The following MDM1 variants were observed in gnomAD, a reference collection of about 807,000 sequenced individuals.
MDM1 encodes Mdm1 nuclear protein.
A neutral mutation model predicts 89.1 loss-of-function variants in MDM1; 61 were observed. The observed-to-expected ratio is 0.68, with a 90% confidence interval of 0.56 to 0.85. The LOEUF (loss-of-function observed/expected upper bound fraction) is 0.85. Ranked by LOEUF, MDM1 falls within the 40% of genes least tolerant of loss-of-function variation. The pLI, the probability that MDM1 is intolerant of heterozygous loss-of-function variation, is 0.00. For synonymous variants in MDM1, 290 were observed against 294.1 expected (o/e 0.99, Z 0.14); for missense variants, 820 against 846.5 (o/e 0.97, Z 0.39).
chr12:68,305,137 A>C (rs1382652019), intron 12 of MDM1, among the ~76,000 whole-genome samples: 1 of 152,214 alleles, frequency 6.6e-6, no homozygotes, highest in Non-Finnish European at 1.5e-5. Context: ...GAATAGTTTT[A>C]GCACATAAAC....
chr12:68,323,122 TTTC>T lies in MDM1; in HGVS notation c.749_751del (p.Arg250del). ...AAGATTTCTGTTTTCTCTCAAATCA[TTTC>T]TTAATTTTGGTTCTTTCACTGGAGA... On this transcript the variant is annotated inframe_deletion, in exon 5 of 15. Transcript: ENST00000682720. 1 of 1,609,876 alleles carries T rather than the reference TTTC, an allele frequency of 6.2e-7. No homozygotes were observed. The highest frequency in any genetic ancestry group is 8.5e-7 in the Non-Finnish European group (1 of 1,178,882).
Position 68,314,995 on chromosome 12 carries a change from C to G in MDM1, c.1482G>C (p.Glu494Asp). The G allele has an allele frequency of 6.2e-7, 1 of 1,614,168 alleles. No individual in the cohort carries two copies. The highest frequency in any genetic ancestry group is 8.5e-7 in the Non-Finnish European group (1 of 1,180,026). ...TAGATTTCTCACGTACATCCAACTT[C>G]TCTTGCTCTCCCATAAAAGCCTGCT... ...TGKQAFMGEQEKLDVREKSKA... is the reference protein window; with the variant it reads ...TGKQAFMGEQDKLDVREKSKA... Residue 494 changes from glutamate (E) to aspartate (D), a missense_variant, in exon 10 of 15, where the codon GAG becomes GAC. Coordinates refer to ENST00000682720, the MANE Select transcript of MDM1 (RefSeq NM_001354969.2).
chr12:68,302,920 T>C (rs778254700), intron 12 of MDM1, 48 bp from the exon 13 acceptor site: 2 of 1,481,816 alleles, frequency 1.3e-6, no homozygotes, highest in Admixed American at 2.3e-5. Context: ...TGTGTAGATA[T>C]GTAAATAAAT....
At chr12:68,322,029 A>G (rs1345883376) in intron 5 of MDM1, among the ~76,000 whole-genome samples, 1 of 152,212 alleles carries the variant, frequency 6.6e-6, no homozygotes, top group African/African-American at 2.4e-5. Flanking sequence ...ACTGAATAAC[A>G]ATTCTTTTTT....
At chr12:68,313,830 G>A in intron 10 of MDM1, 77 bp from the exon 11 acceptor site, 1 of 1,271,404 alleles carries the variant, frequency 7.9e-7, no homozygotes, top group Non-Finnish European at 1.1e-6. Flanking sequence ...TGCCATCATT[G>A]TGCAATAATA....
rs1264599393 is a variant in MDM1 at position 68,326,745 on chromosome 12, T to C, written c.410A>G (p.Asn137Ser). Reference sequence around the variant, plus strand: ...TGGTGTATGGTTTGTTACACCCTCATTATTTTCCACATCTGAAGCCCCTTC... The same window carrying C: ...TGGTGTATGGTTTGTTACACCCTCACTATTTTCCACATCTGAAGCCCCTTC... ...RAEGASDVEN[N>S]EGVTNHTPVN... is the part of the protein sequence containing the mutation. Residue 137 changes from asparagine to serine, a missense_variant, in exon 3 of 15, where the codon AAT (asparagine) becomes AGT (serine). Physicochemically the swap from Asn to Ser is conservative, Grantham distance 46 (BLOSUM62 1). Transcript: ENST00000682720. 1.2e-6 allele frequency: 2 copies of C among 1,614,152 alleles called. No homozygotes were observed. The highest frequency in any genetic ancestry group is 1.6e-4 in the Middle Eastern group (1 of 6,062).
chr12:68,302,772 T>G lies in MDM1; in HGVS notation c.1850A>C (p.Lys617Thr), dbSNP rs1367257910. 1.9e-6 allele frequency: 3 copies of G among 1,613,846 alleles called. No individual in the cohort carries two copies. Among genetic ancestry groups the G allele is most frequent in the Non-Finnish European group, 2.5e-6 (3 of 1,179,974 alleles). The stretch of plus-strand genomic sequence containing the variant: ...AACTGGAAGAGTTGCCTCAGCAAAT[T>G]TGTGGATATTGTCTTCAGAATCTTC... ...LREDSEDNIH[K>T]FAEATLPVSK... The change falls in exon 13 of 15, where the codon AAA (lysine) becomes ACA (threonine). Residue 617 changes from lysine to threonine, a missense_variant. Coordinates refer to ENST00000682720, the MANE Select transcript of MDM1 (RefSeq NM_001354969.2).
At chr12:68,298,936 GAC>G (rs1871777885) in intron 13 of MDM1, among the ~76,000 whole-genome samples, 1 of 151,016 alleles carries the variant, frequency 6.6e-6, no homozygotes, top group Non-Finnish European at 1.5e-5. Flanking sequence ...CCCCACAGGA[GAC>G]AGCGAACTTG....
intron 2 of MDM1, 196 bp from the exon 3 acceptor site, chr12:68,327,217 TTAA>T: frequency 7.1e-7 from 1 of 1,402,592 alleles, no homozygotes; most frequent in South Asian, 1.8e-5. Flanking sequence ...AATTTTGCTT[TTAA>T]AAGCATTAAA....
intron 12 of MDM1, among the ~76,000 whole-genome samples, chr12:68,304,450 G>A (rs948234807): frequency 6.6e-6 from 1 of 152,058 alleles, no homozygotes; most frequent in African/African-American, 2.4e-5. Flanking sequence ...CTTCAAACTG[G>A]CCTAGGGCTG....
At chr12:68,302,504 A>T in intron 13 of MDM1, 116 bp downstream of exon 13, 2 of 995,352 alleles carry the variant, frequency 2.0e-6, no homozygotes, top group East Asian at 2.7e-5. Flanking sequence ...TTATTAATAC[A>T]TTAACCAAAA....
At chr12:68,328,001 C>A (rs1468762748) in intron 2 of MDM1, among the ~76,000 whole-genome samples, 3 of 152,184 alleles carry the variant, frequency 2.0e-5, no homozygotes, top group South Asian at 2.1e-4. Context: ...CTGCATCTGC[C>A]ATCTGCAGTT....
intron 14 of MDM1, among the ~76,000 whole-genome samples, chr12:68,296,188 C>T (rs953007151): frequency 3.5e-4 from 54 of 152,124 alleles, no homozygotes; most frequent in African/African-American, 1.1e-3. Flanking sequence ...CTATTATAAG[C>T]AAATAAATGT....
At chr12:68,307,594 T>C (rs545099639) in intron 12 of MDM1, among the ~76,000 whole-genome samples, 7 of 152,134 alleles carry the variant, frequency 4.6e-5, no homozygotes, top group Admixed American at 1.3e-4. Flanking sequence ...TGAGCCGTGA[T>C]TGCACCAATG....
chr12:68,315,214 T>TAA lies in MDM1; in HGVS notation c.1262_1263insTT (p.Glu421AspfsTer2). Reference sequence around the variant, plus strand: ...GTTCTTCCACGATATTTCCTTTTTCTTCTGGTTCTGTAGAAGGACATTTCT... The same window carrying TAA: ...GTTCTTCCACGATATTTCCTTTTTCTAATCTGGTTCTGTAGAAGGACATTTCT... On this transcript the variant is annotated frameshift_variant, in exon 10 of 15. Coordinates refer to ENST00000682720, the MANE Select transcript of MDM1 (RefSeq NM_001354969.2). LOFTEE classifies it high-confidence loss of function. The TAA allele has an allele frequency of 6.2e-7, 1 of 1,614,232 alleles. No individual in the cohort carries two copies. Among genetic ancestry groups the TAA allele is most frequent in the Non-Finnish European group, 8.5e-7 (1 of 1,180,044 alleles).
rs1040706614 is a variant in MDM1 at position 68,326,853 on chromosome 12, T to A, written c.302A>T (p.Asp101Val). 5.0e-6 allele frequency: 8 copies of A among 1,613,852 alleles called. No individual in the cohort carries two copies. Among genetic ancestry groups the A allele is most frequent in the African/African-American group, 1.3e-5 (1 of 74,924 alleles). Residue 101 changes from aspartate to valine, a missense_variant, in exon 3 of 15, where the codon GAT becomes GTT. Transcript: ENST00000682720. The part of the protein sequence containing the change: ...TPKSQEAEQK[D>V]VTQERVHSLE... ...TGAGTGAACTCTTTCTTGAGTAACA[T>A]CCTTTTGTTCTGCTTCTTGTGATTT...
chr12:68,313,390 G>T, intron 12 of MDM1, 53 bp downstream of exon 12: 2 of 1,224,196 alleles, frequency 1.6e-6, no homozygotes, highest in Non-Finnish European at 2.4e-6. Flanking sequence ...TATTACATGT[G>T]TCTACAATAA....
intron 7 of MDM1, among the ~76,000 whole-genome samples, chr12:68,320,587 G>A (rs556111492): frequency 2.0e-5 from 3 of 152,164 alleles, no homozygotes; most frequent in East Asian, 1.9e-4. Context: ...TTTAAGTAAT[G>A]AGCTAAATAA....
chr12:68,313,649 G>C lies in MDM1; in HGVS notation c.1634C>G (p.Ala545Gly). Reference protein sequence around the residue: ...QRTHHDLTTPAVGGAVLVSPS... With the variant: ...QRTHHDLTTPGVGGAVLVSPS... ...GCACGGTGTTTGCCGATTACCAACAGCTGGAGTAGTGAGATCATGATGAGT... is the reference window on the plus strand; with the variant it reads ...GCACGGTGTTTGCCGATTACCAACACCTGGAGTAGTGAGATCATGATGAGT... The change falls in exon 11 of 15, where the codon GCT (alanine) becomes GGT (glycine). Residue 545 changes from alanine to glycine, a missense_variant. By Grantham distance (60) the Ala-to-Gly change is moderately conservative. Coordinates refer to ENST00000682720, the MANE Select transcript of MDM1 (RefSeq NM_001354969.2). 6.2e-7 allele frequency: 1 copy of C among 1,613,602 alleles called. No homozygotes were observed. Among genetic ancestry groups the C allele is most frequent in the Non-Finnish European group, 8.5e-7 (1 of 1,179,552 alleles).
Sources: allele counts gnomAD v4.1 joint callset (sites outside exome capture counted in the v4.1 genomes callset), GRCh38; gene constraint gnomAD v4.1.1; transcripts MANE v1.5; gene names NCBI Gene and HGNC (gene_info 2026-07-23, HGNC 2026-07-21).